The following KLF12 variants were observed in gnomAD, a reference collection of about 807,000 sequenced individuals.
KLF12 encodes KLF transcription factor 12, also known as Krueppel-like factor 12.
Under a neutral mutation model 37.8 loss-of-function variants are expected in KLF12, and 9 were observed. The observed-to-expected ratio is 0.24, with a 90% confidence interval of 0.14 to 0.42. The LOEUF is 0.42. Among genes scored for constraint, KLF12 ranks in the 10% least tolerant of loss-of-function variants. The pLI, the probability that KLF12 is intolerant of heterozygous loss-of-function variation, is 1.00. For missense variants in KLF12, 411 were observed against 516.0 expected, an observed-to-expected ratio of 0.80 and a Z score of 1.97; for synonymous variants, 208 against 202.1, an observed-to-expected ratio of 1.03 and a Z score of -0.25.
chr13:74,152,836 A>T, the KLF12 span, among the ~76,000 whole-genome samples: 3 of 151,492 alleles, frequency 2.0e-5, no homozygotes, highest in Non-Finnish European at 4.4e-5. Context: ...GTAAGCCATG[A>T]CTGCACCACT....
chr13:73,779,408 C>T (rs977842783), intron 5 of KLF12, among the ~76,000 whole-genome samples: 2 of 152,166 alleles, frequency 1.3e-5, no homozygotes, highest in Non-Finnish European at 1.5e-5. Flanking sequence ...CTCAATAAAA[C>T]TCCCTACAGG....
At chr13:73,857,598 G>A (rs894550683) in intron 3 of KLF12, among the ~76,000 whole-genome samples, 2 of 152,154 alleles carry the variant, frequency 1.3e-5, no homozygotes, top group African/African-American at 4.8e-5. Context: ...ACTTACTGCA[G>A]GGACTTACAT....
intron 6 of KLF12, among the ~76,000 whole-genome samples, chr13:73,726,230 T>C (rs961107572): frequency 3.9e-5 from 6 of 152,326 alleles, no homozygotes; most frequent in Non-Finnish European, 7.3e-5. Context: ...GCTGACCCAA[T>C]GTCCAATACA....
chr13:74,105,997 G>A (rs1876630253), intron 1 of KLF12, among the ~76,000 whole-genome samples: 1 of 152,120 alleles, frequency 6.6e-6, no homozygotes, highest in Non-Finnish European at 1.5e-5. Context: ...AAGAAATGGT[G>A]TAATTGAACT....
chr13:74,062,952 G>A (rs1336237342), intron 1 of KLF12, among the ~76,000 whole-genome samples: 1 of 152,144 alleles, frequency 6.6e-6, no homozygotes, highest in African/African-American at 2.4e-5. Flanking sequence ...CTTTCTGTGT[G>A]GGCCATTACA....
At chr13:74,085,014 CA>C (rs1875179537) in intron 1 of KLF12, among the ~76,000 whole-genome samples, 1 of 152,072 alleles carries the variant, frequency 6.6e-6, no homozygotes, top group African/African-American at 2.4e-5. Context: ...TAATACCCTA[CA>C]GGTCTATATC....
At chr13:74,165,580 T>C in the KLF12 span, among the ~76,000 whole-genome samples, 1 of 152,118 alleles carries the variant, frequency 6.6e-6, no homozygotes, top group Non-Finnish European at 1.5e-5. Flanking sequence ...ATTACAGGAG[T>C]GAGCCACCAC....
intron 2 of KLF12, among the ~76,000 whole-genome samples, chr13:73,947,758 T>G (rs1234582191): frequency 6.7e-6 from 1 of 149,362 alleles, no homozygotes; most frequent in Non-Finnish European, 1.5e-5. Flanking sequence ...CATCTCAAAA[T>G]ATTCTGAATG....
chr13:74,118,716 G>A (rs543631527), intron 1 of KLF12, among the ~76,000 whole-genome samples: 6 of 152,002 alleles, frequency 3.9e-5, no homozygotes, highest in African/African-American at 1.2e-4. Flanking sequence ...TATCACCCCC[G>A]CCAAAACCCA....
intron 2 of KLF12, among the ~76,000 whole-genome samples, chr13:73,959,248 A>C (rs1446788259): frequency 6.6e-6 from 1 of 151,990 alleles, no homozygotes; most frequent in Admixed American, 6.6e-5. Flanking sequence ...GCTACCCCAC[A>C]TAAAACTTGT....
At chr13:73,970,409 G>C (rs1179971980) in intron 2 of KLF12, among the ~76,000 whole-genome samples, 1 of 151,222 alleles carries the variant, frequency 6.6e-6, no homozygotes, top group Non-Finnish European at 1.5e-5. Flanking sequence ...GCATACTCCA[G>C]TTCAGATGTA....
chr13:73,735,703 T>C (rs556723115), intron 6 of KLF12, among the ~76,000 whole-genome samples: 1 of 152,346 alleles, frequency 6.6e-6, no homozygotes, highest in Admixed American at 6.5e-5. Flanking sequence ...GTAGCTCATC[T>C]TCATCAAGCA....
At chr13:74,039,371 A>G (rs1400073542) in intron 1 of KLF12, among the ~76,000 whole-genome samples, 1 of 151,926 alleles carries the variant, frequency 6.6e-6, no homozygotes, top group Non-Finnish European at 1.5e-5. Context: ...CCCCATCTCT[A>G]CCAAAAGAAA....
chr13:74,047,780 G>T (rs557502735), intron 1 of KLF12, among the ~76,000 whole-genome samples: 1 of 152,240 alleles, frequency 6.6e-6, no homozygotes, highest in South Asian at 2.1e-4. Flanking sequence ...TCTTAAACAC[G>T]GCTTCACCTC....
intron 6 of KLF12, among the ~76,000 whole-genome samples, chr13:73,748,243 GT>G (rs2137946045): frequency 6.6e-6 from 1 of 152,290 alleles, no homozygotes; most frequent in South Asian, 2.1e-4. Flanking sequence ...TGATGTTTAA[GT>G]TTTAAGGGAG....
intron 6 of KLF12, among the ~76,000 whole-genome samples, chr13:73,763,229 A>G (rs1197025983): frequency 6.6e-6 from 1 of 152,194 alleles, no homozygotes; most frequent in African/African-American, 2.4e-5. Flanking sequence ...TTATAAATAT[A>G]TCTCCTTAGA....
At chr13:73,922,861 C>T (rs1889184803) in intron 3 of KLF12, among the ~76,000 whole-genome samples, 1 of 152,096 alleles carries the variant, frequency 6.6e-6, no homozygotes, top group South Asian at 2.1e-4. Context: ...CCTGATTGGC[C>T]AGGTTAGCAC....
the KLF12 span, among the ~76,000 whole-genome samples, chr13:74,151,636 G>A: frequency 1.3e-5 from 2 of 149,748 alleles, no homozygotes; most frequent in African/African-American, 4.9e-5. Flanking sequence ...CTGGGTGATG[G>A]AGTGAGACCC....
intron 5 of KLF12, among the ~76,000 whole-genome samples, chr13:73,806,597 G>C (rs1302403092): frequency 1.3e-5 from 2 of 151,038 alleles, no homozygotes; most frequent in African/African-American, 4.9e-5. Context: ...AAGGAATGTA[G>C]GTTTGCAGTC....
Sources: allele counts gnomAD v4.1 joint callset (sites outside exome capture counted in the v4.1 genomes callset), GRCh38; gene constraint gnomAD v4.1.1; transcripts MANE v1.5; gene names NCBI Gene and HGNC (gene_info 2026-07-23, HGNC 2026-07-21).